Variants in MPHOSPH8 observed in about 807,000 individuals in gnomAD.
MPHOSPH8 encodes the protein M-phase phosphoprotein 8.
Under a neutral mutation model 87.3 loss-of-function variants are expected in MPHOSPH8, and 45 were observed. That is an observed-to-expected ratio of 0.52 (90% CI 0.41 to 0.66). The LOEUF is 0.66. Ranked by LOEUF, MPHOSPH8 falls within the 30% of genes least tolerant of loss-of-function variation. The pLI is 0.00. For synonymous variants in MPHOSPH8, 366 were observed against 376.9 expected, an observed-to-expected ratio of 0.97 and a Z score of 0.33; for missense variants, 883 against 1,020.2, an observed-to-expected ratio of 0.87 and a Z score of 1.83.
At chr13:19,634,332 A>G (rs1010750974) in intron 1 of MPHOSPH8, among the ~76,000 whole-genome samples, 15 of 152,138 alleles carry the variant, frequency 9.9e-5, no homozygotes, top group African/African-American at 3.4e-4. Context: ...CCATCGTTAC[A>G]GTGTTTTCCA....
chr13:19,667,991 G>A (rs537514236), intron 10 of MPHOSPH8, among the ~76,000 whole-genome samples: 2 of 152,272 alleles, frequency 1.3e-5, no homozygotes, highest in African/African-American at 4.8e-5. Flanking sequence ...CACACGGGGG[G>A]TTTGCATAGA....
intron 1 of MPHOSPH8, among the ~76,000 whole-genome samples, chr13:19,636,488 CT>C (rs879558701): frequency 1.1e-3 from 155 of 144,042 alleles, no homozygotes; most frequent in Non-Finnish European, 1.2e-3. Context: ...TATTAATTTC[CT>C]TTTTTTTTTT....
At position 19,672,798 on chromosome 13, in the gene MPHOSPH8, A is replaced by T; in HGVS notation, c.*923A>T. 4.0e-6 allele frequency: 1 copy of T among 252,344 alleles called. No homozygotes were observed. Among genetic ancestry groups the T allele is most frequent in the Non-Finnish European group, 8.0e-6 (1 of 125,760 alleles). 15.6% of individuals were successfully genotyped at this position (252,344 alleles called of 1,614,324 possible). A position where few individuals can be genotyped will look rare whatever the true frequency, so the allele number is the denominator to read the frequency against. Reference sequence around the variant, plus strand: ...CAGTACACTATGAGACCTAAAAGAGAGTATTAAATGTGAACTTTTAGCAGA... The same window carrying T: ...CAGTACACTATGAGACCTAAAAGAGTGTATTAAATGTGAACTTTTAGCAGA... On this transcript the variant is annotated 3_prime_UTR_variant, in exon 14 of 14. Transcript: ENST00000361479.
intron 9 of MPHOSPH8, 139 bp from the exon 10 acceptor site, chr13:19,666,286 G>A (rs529463773): frequency 3.0e-5 from 24 of 793,444 alleles, no homozygotes; most frequent in East Asian, 3.0e-4. Context: ...GTGGCCTGAC[G>A]GGCCCCAAAA....
chr13:19,671,322 A>G (rs772252552), intron 13 of MPHOSPH8, 33 bp downstream of exon 13: 3 of 1,560,760 alleles, frequency 1.9e-6, no homozygotes, highest in Middle Eastern at 1.7e-4. Flanking sequence ...TAGTGTCACT[A>G]CTCAAGTTGT....
At position 19,650,022 on chromosome 13, in the gene MPHOSPH8, T is replaced by C. The variant is rs780624662; in HGVS notation, c.1338T>C (p.Asn446=). The change falls in exon 5 of 14, where the codon AAT becomes AAC. Residue 446 remains asparagine (N), a synonymous_variant. Transcript: ENST00000361479. The part of the protein sequence containing the change: ...KGLKTLKEIR[N]AFDLFKLTPE... ...CGTTAGCACTTAAGGAAATCAGAAATGCATTTGATTTATTTAAATTAACTC... is the reference window on the plus strand; with the variant it reads ...CGTTAGCACTTAAGGAAATCAGAAACGCATTTGATTTATTTAAATTAACTC... 1.4e-5 allele frequency: 23 copies of C among 1,592,702 alleles called. No individual in the cohort carries two copies. Among genetic ancestry groups the C allele is most frequent in the Non-Finnish European group, 1.8e-5 (21 of 1,169,998 alleles).
Position 19,670,370 on chromosome 13 carries a change from T to C in MPHOSPH8, c.2457+7T>C. The C allele has an allele frequency of 6.2e-7, 1 of 1,613,326 alleles. No homozygotes were observed. The highest frequency in any genetic ancestry group is 8.5e-7 in the Non-Finnish European group (1 of 1,179,356). On this transcript the variant is annotated splice_region_variant and intron_variant, in intron 12 of 13. Coordinates refer to ENST00000361479, the MANE Select transcript of MPHOSPH8 (RefSeq NM_017520.4). ...TCAGCTTCCTGTTTTTCTGGTAAGA[T>C]ACTCTGTATTTCACTACTGAAAAGT...
intron 9 of MPHOSPH8, among the ~76,000 whole-genome samples, chr13:19,663,794 C>T (rs1035824196): frequency 6.6e-6 from 1 of 152,136 alleles, no homozygotes; most frequent in Non-Finnish European, 1.5e-5. Context: ...GGGACCTGTC[C>T]TCTTTCCTTC....
chr13:19,648,108 T>A (rs1178807202), intron 3 of MPHOSPH8, among the ~76,000 whole-genome samples: 2 of 151,754 alleles, frequency 1.3e-5, no homozygotes, highest in Admixed American at 6.6e-5. Context: ...AGAAGTACAA[T>A]AGTCATGGTT....
chr13:19,640,802 AGG>A (rs1236979950), intron 1 of MPHOSPH8, among the ~76,000 whole-genome samples: 3 of 152,208 alleles, frequency 2.0e-5, no homozygotes, highest in Non-Finnish European at 4.4e-5. Context: ...AAAATGGAAA[AGG>A]GAGCGTTTTT....
intron 5 of MPHOSPH8, among the ~76,000 whole-genome samples, chr13:19,655,083 A>G (rs1293129464): frequency 1.2e-4 from 19 of 152,224 alleles, no homozygotes. Context: ...TTTCCTACAA[A>G]TTGTAAAGGA....
In MPHOSPH8 at chr13:19,659,012, C is replaced by G. The variant is rs1389451700; in HGVS notation, c.1594C>G (p.Leu532Val). 1 of 1,613,410 alleles carries G rather than the reference C, an allele frequency of 6.2e-7. No homozygotes were observed. The highest frequency in any genetic ancestry group is 8.5e-7 in the Non-Finnish European group (1 of 1,179,904). ...DENSDGRQQILSLGMDLQLEW... is the reference protein window; with the variant it reads ...DENSDGRQQIVSLGMDLQLEW... ...TGTTCCAGATGGCAGGCAGCAGATTCTGAGTTTGGGCATGGACCTGCAGTT... is the reference window on the plus strand; with the variant it reads ...TGTTCCAGATGGCAGGCAGCAGATTGTGAGTTTGGGCATGGACCTGCAGTT... The change falls in exon 6 of 14, where the codon CTG becomes GTG. Residue 532 changes from leucine to valine, a missense_variant. Leu to Val is a conservative substitution (Grantham distance 32). Transcript: ENST00000361479.
chr13:19,645,183 T>C (rs1874501635), intron 2 of MPHOSPH8, among the ~76,000 whole-genome samples: 1 of 152,138 alleles, frequency 6.6e-6, no homozygotes, highest in South Asian at 2.1e-4. Flanking sequence ...ACAGCTGCTC[T>C]CTCAGGCAGC....
chr13:19,645,718 C>G (rs977170747), intron 2 of MPHOSPH8, among the ~76,000 whole-genome samples: 13 of 147,416 alleles, frequency 8.8e-5, no homozygotes, highest in Non-Finnish European at 1.8e-4. Context: ...GCACTCCAGC[C>G]TGGGTGACAG....
In MPHOSPH8 at chr13:19,633,710, C is replaced by T. The variant is rs746193342; in HGVS notation, c.-39C>T. On this transcript the variant is annotated 5_prime_UTR_variant, in exon 1 of 14. Transcript: ENST00000361479. ...CGCGAGGGGCTGCTGGGGTGTTTGT[C>T]GCAGCGGGTTTTCCTCGGCGGTTTG... The T allele has an allele frequency of 5.3e-5, 83 of 1,554,190 alleles. No individual in the cohort carries two copies. Among genetic ancestry groups the T allele is most frequent in the Middle Eastern group, 2.2e-4 (1 of 4,500 alleles).
chr13:19,646,833 AAAG>A lies in MPHOSPH8; in HGVS notation c.763_765del (p.Glu255del), dbSNP rs778423077. The A allele has an allele frequency of 6.3e-7, 1 of 1,598,440 alleles. No individual in the cohort carries two copies. Among genetic ancestry groups the A allele is most frequent in the Non-Finnish European group, 8.5e-7 (1 of 1,176,510 alleles). ...TCCCAAAGAAAATAGAAAAACAAAAAAAGAAAAATTTGTCGAATCCCAGGTGGA... is the reference window on the plus strand; with the variant it reads ...TCCCAAAGAAAATAGAAAAACAAAAAAAAAATTTGTCGAATCCCAGGTGGA... On this transcript the variant is annotated inframe_deletion, in exon 3 of 14. Transcript: ENST00000361479.
Position 19,650,234 on chromosome 13 carries a change from G to A in MPHOSPH8, c.1550G>A (p.Ser517Asn), listed in dbSNP as rs1167567682. ...GAAGGTGATCAGGAGGTTTTAGACAGCGTGTGCCAAGCAGATGAGAATTCA... is the reference window on the plus strand; with the variant it reads ...GAAGGTGATCAGGAGGTTTTAGACAACGTGTGCCAAGCAGATGAGAATTCA... ...AAEGDQEVLDSVCQADENSDG... is the reference protein window; with the variant it reads ...AAEGDQEVLDNVCQADENSDG... Residue 517 changes from serine (S) to asparagine (N), a missense_variant, in exon 5 of 14, where the codon AGC becomes AAC. Ser to Asn is a conservative substitution (Grantham distance 46). This residue lies in a region of MPHOSPH8 where 741 missense variants were observed against 841.5 expected (regional missense o/e 0.88). Coordinates refer to ENST00000361479, the MANE Select transcript of MPHOSPH8 (RefSeq NM_017520.4). 4 of 1,613,764 alleles carry A rather than the reference G, an allele frequency of 2.5e-6. No individual in the cohort carries two copies. The highest frequency in any genetic ancestry group is 3.4e-6 in the Non-Finnish European group (4 of 1,179,952).
intron 5 of MPHOSPH8, among the ~76,000 whole-genome samples, chr13:19,652,033 C>T (rs1874878344): frequency 6.6e-6 from 1 of 152,080 alleles, no homozygotes; most frequent in South Asian, 2.1e-4. Flanking sequence ...ACCCAGGAGG[C>T]AGAGGTTGTG....
intron 9 of MPHOSPH8, among the ~76,000 whole-genome samples, chr13:19,664,026 C>A (rs948068584): frequency 6.6e-6 from 1 of 152,138 alleles, no homozygotes; most frequent in Non-Finnish European, 1.5e-5. Flanking sequence ...TTCTGTCGCC[C>A]GGGCTGGAGT....
Sources: gnomAD v4.1 joint callset for allele counts (sites outside exome capture counted in the v4.1 genomes callset) on GRCh38, gnomAD v4.1.1 for gene constraint, gnomAD v4.1.1 regional missense constraint, MANE v1.5 for transcripts, NCBI Gene and HGNC (gene_info 2026-07-23, HGNC 2026-07-21) for gene names.